Variants in ZNF385D observed in about 807,000 individuals in gnomAD.
ZNF385D encodes the protein zinc finger protein 659.
Under a neutral mutation model 35.8 loss-of-function variants are expected in ZNF385D, and 15 were observed. The ratio of observed to expected loss-of-function variants is 0.42; its 90% CI spans 0.28 to 0.64. The LOEUF (loss-of-function observed/expected upper bound fraction) is 0.64, where lower values mean the gene tolerates loss of function less well. Among genes scored for constraint, ZNF385D ranks in the 30% least tolerant of loss-of-function variants. ZNF385D has a pLI of 0.23. For missense variants in ZNF385D, 474 were observed against 494.6 expected (o/e 0.96, Z 0.39); for synonymous variants, 212 against 186.8 (o/e 1.13, Z -1.10).
intron 2 of ZNF385D, among the ~76,000 whole-genome samples, chr3:22,211,017 A>T (rs1400947573): frequency 3.9e-5 from 6 of 151,964 alleles, no homozygotes; most frequent in African/African-American, 1.4e-4. Context: ...TCCTTTGGTG[A>T]GTTGTTCTCA....
chr3:22,151,209 G>A (rs1419133004), intron 3 of ZNF385D, among the ~76,000 whole-genome samples: 1 of 152,068 alleles, frequency 6.6e-6, no homozygotes, highest in East Asian at 1.9e-4. Context: ...TTGGGGCTGG[G>A]GAAGGAACAT....
chr3:21,946,623 G>T (rs1194150880), intron 3 of ZNF385D, among the ~76,000 whole-genome samples: 1 of 152,122 alleles, frequency 6.6e-6, no homozygotes, highest in Non-Finnish European at 1.5e-5. Flanking sequence ...CTTGAGCTCA[G>T]GAGTTGGAGA....
chr3:22,030,299 A>ATATATATC (rs1553591392), intron 3 of ZNF385D, among the ~76,000 whole-genome samples: 9 of 114,738 alleles, frequency 7.8e-5, no homozygotes, highest in South Asian at 2.9e-4. Flanking sequence ...ATATATATAT[A>ATATATATC]TATCCTATTT....
chr3:21,728,689 G>A (rs991514450), intron 1 of ZNF385D, among the ~76,000 whole-genome samples: 2 of 152,146 alleles, frequency 1.3e-5, no homozygotes, highest in Non-Finnish European at 2.9e-5. Context: ...GTGGTCAGGA[G>A]CTTCCCCAAT....
chr3:21,884,555 C>A (rs900319472), intron 3 of ZNF385D, among the ~76,000 whole-genome samples: 10 of 152,028 alleles, frequency 6.6e-5, no homozygotes, highest in African/African-American at 1.7e-4. Flanking sequence ...GTTTTCAACA[C>A]AGCCAACATT....
chr3:21,768,239 C>T (rs765220463), intron 3 of ZNF385D, among the ~76,000 whole-genome samples: 2 of 152,014 alleles, frequency 1.3e-5, no homozygotes, highest in Non-Finnish European at 2.9e-5. Context: ...ATTTTATAAT[C>T]AGAATAAAAT....
chr3:22,068,268 C>T (rs1700059796), intron 3 of ZNF385D, among the ~76,000 whole-genome samples: 1 of 151,990 alleles, frequency 6.6e-6, no homozygotes, highest in Admixed American at 6.6e-5. Flanking sequence ...CTTTTTTTCA[C>T]CTAGTAATAC....
intron 4 of ZNF385D, among the ~76,000 whole-genome samples, chr3:21,503,394 C>T (rs991040114): frequency 6.6e-6 from 1 of 152,148 alleles, no homozygotes; most frequent in Admixed American, 6.6e-5. Context: ...AAAGCAAACT[C>T]TTCCAACCTT....
chr3:21,925,504 A>C (rs929741618), intron 3 of ZNF385D, among the ~76,000 whole-genome samples: 2 of 152,216 alleles, frequency 1.3e-5, no homozygotes, highest in Non-Finnish European at 2.9e-5. Flanking sequence ...CATAATTCAA[A>C]ATTACACAAC....
chr3:22,307,985 A>G (rs1703328554), intron 2 of ZNF385D, among the ~76,000 whole-genome samples: 1 of 152,088 alleles, frequency 6.6e-6, no homozygotes, highest in Admixed American at 6.6e-5. Flanking sequence ...CAGATTTTTA[A>G]TACATACATA....
At chr3:22,029,834 G>A (rs548039441) in intron 3 of ZNF385D, among the ~76,000 whole-genome samples, 6 of 152,144 alleles carry the variant, frequency 3.9e-5, no homozygotes, top group Admixed American at 2.0e-4. Flanking sequence ...GATCTCGGGA[G>A]ATGTGTATGG....
At chr3:22,040,267 G>A (rs986902101) in intron 3 of ZNF385D, among the ~76,000 whole-genome samples, 11 of 152,144 alleles carry the variant, frequency 7.2e-5, no homozygotes, top group Admixed American at 1.3e-4. Context: ...GTTGTCTGCT[G>A]TAATTCTAAT....
At chr3:22,125,681 G>A (rs1044224896) in intron 3 of ZNF385D, among the ~76,000 whole-genome samples, 2 of 151,944 alleles carry the variant, frequency 1.3e-5, no homozygotes, top group Non-Finnish European at 2.9e-5. Context: ...TTTATTGGTA[G>A]CCATTATAAA....
chr3:21,636,378 TTATATATATATA>T (rs1183440640), intron 2 of ZNF385D, among the ~76,000 whole-genome samples: 3 of 47,984 alleles, frequency 6.3e-5, no homozygotes, highest in African/African-American at 1.8e-4. Flanking sequence ...ATATATATGA[TTATATATATATA>T]TATATATATA....
intron 1 of ZNF385D, among the ~76,000 whole-genome samples, chr3:21,683,549 G>A (rs1027945964): frequency 6.0e-5 from 9 of 149,408 alleles, no homozygotes; most frequent in African/African-American, 2.0e-4. Context: ...CCTGGGAGGC[G>A]AAGGTTGCAG....
At chr3:21,579,526 TTTAC>T (rs1490473357) in intron 2 of ZNF385D, 1 of 152,178 alleles carries the variant, frequency 6.6e-6, no homozygotes, top group African/African-American at 2.4e-5. Context: ...GATTTATTCA[TTTAC>T]TTATTTTTTA....
At chr3:21,597,370 A>G (rs2064156444) in intron 2 of ZNF385D, among the ~76,000 whole-genome samples, 1 of 152,054 alleles carries the variant, frequency 6.6e-6, no homozygotes, top group Non-Finnish European at 1.5e-5. Context: ...CAAAAAAAAA[A>G]GAAAAATAAA....
chr3:22,020,150 A>T (rs868854910), intron 3 of ZNF385D, among the ~76,000 whole-genome samples: 3 of 151,854 alleles, frequency 2.0e-5, no homozygotes, highest in Non-Finnish European at 4.4e-5. Flanking sequence ...TACTATTGTA[A>T]CAATTCTATG....
intron 3 of ZNF385D, among the ~76,000 whole-genome samples, chr3:22,014,222 G>C (rs1696744594): frequency 6.6e-6 from 1 of 151,626 alleles, no homozygotes. Flanking sequence ...TTTTTAAAGG[G>C]GGAAGGAAGA....
Sources: gnomAD v4.1 joint callset for allele counts (sites outside exome capture counted in the v4.1 genomes callset) on GRCh38, gnomAD v4.1.1 for gene constraint, MANE v1.5 for transcripts, NCBI Gene and HGNC (gene_info 2026-07-23, HGNC 2026-07-21) for gene names.